The following LRRTM4 variants were observed in gnomAD, a reference collection of about 807,000 sequenced individuals.
LRRTM4 encodes the protein leucine rich repeat transmembrane neuronal 4, also known as leucine-rich repeat transmembrane neuronal protein 4.
Under a neutral mutation model 47.6 loss-of-function variants are expected in LRRTM4, and 25 were observed. The ratio of observed to expected loss-of-function variants is 0.53; its 90% CI spans 0.38 to 0.73. The LOEUF (loss-of-function observed/expected upper bound fraction) is 0.73. LRRTM4 is among the 30% of genes least tolerant of loss of function. The pLI, the probability that LRRTM4 is intolerant of heterozygous loss-of-function variation, is 0.00. For synonymous variants in LRRTM4, 311 were observed against 269.5 expected (o/e 1.15, Z -1.51); for missense variants, 638 against 713.4 (o/e 0.89, Z 1.20).
intron 3 of LRRTM4, among the ~76,000 whole-genome samples, chr2:77,516,508 C>T (rs775375995): frequency 6.6e-6 from 1 of 151,586 alleles, no homozygotes; most frequent in South Asian, 2.1e-4. Flanking sequence ...TGAATTAATG[C>T]GTCTAGAATT....
intron 3 of LRRTM4, among the ~76,000 whole-genome samples, chr2:76,857,514 A>G (rs983241979): frequency 6.6e-6 from 1 of 152,016 alleles, no homozygotes; most frequent in African/African-American, 2.4e-5. Context: ...ATTTTTGACT[A>G]TGCAGGGAAT....
intron 3 of LRRTM4, among the ~76,000 whole-genome samples, chr2:77,267,198 A>T (rs1315180753): frequency 6.6e-6 from 1 of 152,208 alleles, no homozygotes; most frequent in African/African-American, 2.4e-5. Flanking sequence ...TATTTAAAGG[A>T]TTAATCCAGA....
chr2:77,145,776 A>AAAATAAATAAATAAATAAATAAAT (rs71381266), intron 3 of LRRTM4, among the ~76,000 whole-genome samples: 22 of 148,076 alleles, frequency 1.5e-4, no homozygotes, highest in African/African-American at 4.5e-4. Flanking sequence ...TCCGTCTCAA[A>AAAATAAATAAATAAATAAATAAAT]AAATAAATAA....
Position 77,315,786 on chromosome 2 carries a change from C to T in LRRTM4, c.1551+202532G>A, listed in dbSNP as rs142175012. Among the ~76,000 whole-genome samples the T allele has an allele frequency of 2.1e-3, 318 of 152,272 alleles. 3 individuals are homozygous for T. Among genetic ancestry groups the T allele is most frequent in the African/African-American group, 7.2e-3 (300 of 41,552 alleles). On this transcript the variant is annotated intron_variant, in intron 3 of 3. Transcript: ENST00000409884. ...TCTGTCTTTCTCAAGGATCTGGGAA[C>T]TAACTCTTCAAAATGTGATCATCAC...
At chr2:77,420,283 G>C (rs1674824435) in intron 3 of LRRTM4, among the ~76,000 whole-genome samples, 1 of 152,112 alleles carries the variant, frequency 6.6e-6, no homozygotes, top group Admixed American at 6.5e-5. Context: ...ATTACATAAA[G>C]CCAGCAAGAC....
chr2:77,006,719 C>T (rs115248608), intron 3 of LRRTM4, among the ~76,000 whole-genome samples: 5 of 152,222 alleles, frequency 3.3e-5, no homozygotes, highest in Non-Finnish European at 7.4e-5. Flanking sequence ...GGTCTGGAAT[C>T]ACAATAGAGG....
chr2:77,454,605 A>G (rs1268005410), intron 3 of LRRTM4, among the ~76,000 whole-genome samples: 1 of 152,184 alleles, frequency 6.6e-6, no homozygotes, highest in African/African-American at 2.4e-5. Context: ...GGATACTGAC[A>G]AGCAATGACC....
intron 3 of LRRTM4, among the ~76,000 whole-genome samples, chr2:77,285,869 G>C (rs1676641821): frequency 2.0e-5 from 3 of 151,972 alleles, no homozygotes; most frequent in African/African-American, 7.2e-5. Context: ...TGTTGGATAG[G>C]ACAAGTCATA....
At chr2:76,860,264 C>A (rs1573222972) in intron 3 of LRRTM4, among the ~76,000 whole-genome samples, 1 of 152,100 alleles carries the variant, frequency 6.6e-6, no homozygotes, top group East Asian at 1.9e-4. Context: ...CTTTGGCTAG[C>A]TCTTGGAAGA....
At chr2:77,126,107 AAAATT>A (rs1338047024) in intron 3 of LRRTM4, among the ~76,000 whole-genome samples, 2 of 151,914 alleles carry the variant, frequency 1.3e-5, no homozygotes, top group African/African-American at 4.8e-5. Context: ...CAGTCTCAAG[AAAATT>A]AATTTATGAA....
At chr2:77,485,403 T>A (rs1208111234) in intron 3 of LRRTM4, among the ~76,000 whole-genome samples, 1 of 152,046 alleles carries the variant, frequency 6.6e-6, no homozygotes, top group Non-Finnish European at 1.5e-5. Context: ...CAAAATAATC[T>A]ACATGTAAAG....
chr2:77,492,394 G>A (rs534825317), intron 3 of LRRTM4, among the ~76,000 whole-genome samples: 2 of 152,168 alleles, frequency 1.3e-5, no homozygotes, highest in East Asian at 3.9e-4. Context: ...AGAGTATCTG[G>A]ACTACAAGCA....
chr2:77,207,344 T>C (rs1346165796), intron 3 of LRRTM4, among the ~76,000 whole-genome samples: 2 of 87,242 alleles, frequency 2.3e-5, no homozygotes, highest in Admixed American at 1.4e-4. Context: ...TAATTTCATA[T>C]ATGTGTATAT....
intron 3 of LRRTM4, among the ~76,000 whole-genome samples, chr2:77,323,090 A>C (rs996953719): frequency 6.6e-6 from 1 of 151,940 alleles, no homozygotes; most frequent in Non-Finnish European, 1.5e-5. Flanking sequence ...CCTGGGGGGA[A>C]CCATGATTAT....
intron 3 of LRRTM4, among the ~76,000 whole-genome samples, chr2:77,225,567 G>C (rs1674782094): frequency 6.6e-6 from 1 of 152,070 alleles, no homozygotes; most frequent in African/African-American, 2.4e-5. Context: ...AGTGGGAACT[G>C]TACATGGAAT....
At chr2:76,941,976 T>A (rs79086346) in intron 3 of LRRTM4, among the ~76,000 whole-genome samples, 1 of 152,204 alleles carries the variant, frequency 6.6e-6, no homozygotes. Context: ...CAGCAACTGT[T>A]GCTTCCTGAC....
intron 3 of LRRTM4, among the ~76,000 whole-genome samples, chr2:77,142,295 GTGT>G (rs1376089795): frequency 6.6e-6 from 1 of 152,094 alleles, no homozygotes; most frequent in African/African-American, 2.4e-5. Context: ...AAAAACCTCT[GTGT>G]TGTTGTAGCA....
chr2:77,470,772 A>G (rs530559700), intron 3 of LRRTM4, among the ~76,000 whole-genome samples: 2 of 152,306 alleles, frequency 1.3e-5, no homozygotes, highest in South Asian at 2.1e-4. Flanking sequence ...ATATTTTTAA[A>G]TGGACAACTG....
intron 3 of LRRTM4, among the ~76,000 whole-genome samples, chr2:77,177,710 G>A (rs1292644390): frequency 1.3e-5 from 2 of 152,258 alleles, no homozygotes; most frequent in South Asian, 4.1e-4. Context: ...AGCACCACAG[G>A]CTCCAGGTGA....
Sources: gnomAD v4.1 joint callset for allele counts (sites outside exome capture counted in the v4.1 genomes callset) on GRCh38, gnomAD v4.1.1 for gene constraint, MANE v1.5 for transcripts, NCBI Gene and HGNC (gene_info 2026-07-23, HGNC 2026-07-21) for gene names.